STARD13: variants seen among roughly 807,000 people sequenced by gnomAD.
STARD13 encodes the protein stAR-related lipid transfer protein 13.
In STARD13, 62 loss-of-function variants were observed where a neutral mutation model predicts 106.4. That is an observed-to-expected ratio of 0.58 (90% confidence interval 0.48 to 0.72). The LOEUF is 0.72. STARD13 is among the 30% of genes least tolerant of loss of function. The pLI, the probability that STARD13 is intolerant of heterozygous loss-of-function variation, is 0.00. For synonymous variants in STARD13, 565 were observed against 553.0 expected (o/e 1.02, Z -0.31); for missense variants, 1,387 against 1,424.0 (o/e 0.97, Z 0.42).
chr13:33,546,822 G>A, the STARD13 span, among the ~76,000 whole-genome samples: 11 of 151,798 alleles, frequency 7.2e-5, no homozygotes, highest in Admixed American at 7.2e-4. Flanking sequence ...ATCAATTTAA[G>A]CCTAATACAT....
At position 33,111,177 on chromosome 13, in the gene STARD13, T is replaced by G. The variant is rs150375810; in HGVS notation, c.2608-270A>C. Among the ~76,000 whole-genome samples, 601 of 152,380 alleles carry G rather than the reference T, an allele frequency of 3.9e-3. 2 individuals are homozygous for G. Among genetic ancestry groups the G allele is most frequent in the African/African-American group, 0.013 (553 of 41,584 alleles). ...TTTCACTTCCCTTTTATTTTACCTT[T>G]ACTGTCTTTTTATTCAGTTTGGCAA... On this transcript the variant is annotated intron_variant, in intron 10 of 13. Coordinates refer to ENST00000336934, the MANE Select transcript of STARD13 (RefSeq NM_178006.4).
chr13:33,144,058 A>AT (rs1006361454), intron 3 of STARD13, among the ~76,000 whole-genome samples: 1 of 152,062 alleles, frequency 6.6e-6, no homozygotes, highest in Admixed American at 6.6e-5. Flanking sequence ...TTAACTATTA[A>AT]TTTTTTTGTT....
chr13:33,132,459 TTC>T (rs1878452539), intron 4 of STARD13, among the ~76,000 whole-genome samples: 1 of 152,210 alleles, frequency 6.6e-6, no homozygotes, highest in African/African-American at 2.4e-5. Context: ...ACCTTTTGCC[TTC>T]CACCATGATT....
At chr13:33,184,549 G>A (rs1241737118) in intron 1 of STARD13, among the ~76,000 whole-genome samples, 1 of 152,184 alleles carries the variant, frequency 6.6e-6, no homozygotes, top group Non-Finnish European at 1.5e-5. Context: ...GGCTGAGTGT[G>A]GGTTTACTCT....
chr13:33,624,816 C>T, the STARD13 span, among the ~76,000 whole-genome samples: 1 of 152,248 alleles, frequency 6.6e-6, no homozygotes, highest in African/African-American at 2.4e-5. Context: ...GGCCACCCAG[C>T]TGGTCAGGTG....
At chr13:33,515,892 T>G in the STARD13 span, among the ~76,000 whole-genome samples, 1 of 152,040 alleles carries the variant, frequency 6.6e-6, no homozygotes, top group African/African-American at 2.4e-5. Context: ...TCTCCACTAA[T>G]TCTCTGTTGC....
the STARD13 span, among the ~76,000 whole-genome samples, chr13:33,675,608 G>A: frequency 2.1e-3 from 320 of 152,306 alleles, 1 homozygote; most frequent in African/African-American, 7.5e-3. Flanking sequence ...AGATATGGAT[G>A]CAGATTGGTG....
chr13:33,392,608 C>T, the STARD13 span, among the ~76,000 whole-genome samples: 1 of 152,222 alleles, frequency 6.6e-6, no homozygotes, highest in Non-Finnish European at 1.5e-5. Flanking sequence ...CCATGTTGGC[C>T]GGGCTGGTTT....
chr13:33,392,857 C>T, the STARD13 span, among the ~76,000 whole-genome samples: 1 of 152,320 alleles, frequency 6.6e-6, no homozygotes, highest in South Asian at 2.1e-4. Flanking sequence ...GGTCACCTTT[C>T]AACTAACTTC....
chr13:33,561,489 A>G, the STARD13 span, among the ~76,000 whole-genome samples: 125 of 151,352 alleles, frequency 8.3e-4, 2 homozygotes, highest in African/African-American at 3.0e-3. Context: ...CATTTCCTCT[A>G]TTGCATTTCT....
the STARD13 span, among the ~76,000 whole-genome samples, chr13:33,377,108 G>A: frequency 5.9e-4 from 90 of 152,132 alleles, no homozygotes; most frequent in African/African-American, 2.0e-3. Flanking sequence ...TTTTTCTATT[G>A]TTAGTAAAAA....
the STARD13 span, among the ~76,000 whole-genome samples, chr13:33,641,606 T>G: frequency 7.6e-3 from 1,157 of 152,292 alleles, 15 homozygotes; most frequent in African/African-American, 0.027. Flanking sequence ...ATGAAACTAC[T>G]TCTGAGGTCT....
intron 1 of STARD13, among the ~76,000 whole-genome samples, chr13:33,330,444 T>C (rs1398690081): frequency 1.3e-5 from 2 of 152,242 alleles, no homozygotes; most frequent in Non-Finnish European, 2.9e-5. Flanking sequence ...TCCAGTTGTT[T>C]GTATTTTTGG....
At chr13:33,553,536 GAGT>G in the STARD13 span, among the ~76,000 whole-genome samples, 3 of 151,172 alleles carry the variant, frequency 2.0e-5, no homozygotes, top group African/African-American at 7.3e-5. Context: ...ATCATAGTTT[GAGT>G]AGAATTTTTA....
intron 1 of STARD13, among the ~76,000 whole-genome samples, chr13:33,242,046 G>A (rs1438682470): frequency 6.6e-6 from 1 of 151,618 alleles, no homozygotes; most frequent in Non-Finnish European, 1.5e-5. Context: ...GCCCCATCTG[G>A]GATGTAGGGA....
chr13:33,415,299 C>T, the STARD13 span, among the ~76,000 whole-genome samples: 72 of 152,180 alleles, frequency 4.7e-4, no homozygotes, highest in African/African-American at 1.4e-3. Flanking sequence ...ACCCGGGAGG[C>T]GGAGCTTGCA....
rs762684578 is a variant in STARD13, at chr13:33,129,528, A to T, written c.1149T>A (p.Arg383=). ...TALPDAGDQS[R]MHEFHSQENL... is the part of the protein sequence containing the mutation. ...TCTCTTGGGAGTGAAATTCATGCAT[A>T]CGGCTTTGGTCCCCTGCATCCGGCA... Residue 383 remains arginine (R), a synonymous_variant, in exon 5 of 14, where the codon CGT becomes CGA. Coordinates refer to ENST00000336934, the MANE Select transcript of STARD13 (RefSeq NM_178006.4). The T allele has an allele frequency of 7.4e-6, 12 of 1,614,148 alleles. No homozygotes were observed. The highest frequency in any genetic ancestry group is 9.3e-6 in the Non-Finnish European group (11 of 1,180,022).
At chr13:33,444,083 C>T in the STARD13 span, among the ~76,000 whole-genome samples, 1 of 152,062 alleles carries the variant, frequency 6.6e-6, no homozygotes, top group Non-Finnish European at 1.5e-5. Flanking sequence ...GTCACTTATT[C>T]ACTGATGTCA....
intron 13 of STARD13, 83 bp from the exon 14 acceptor site, chr13:33,105,793 TG>T: frequency 8.7e-7 from 1 of 1,144,230 alleles, no homozygotes; most frequent in Non-Finnish European, 1.3e-6. Flanking sequence ...GGGCTGCCCT[TG>T]GGCCCCGATG....
Sources: gnomAD v4.1 joint callset for allele counts (sites outside exome capture counted in the v4.1 genomes callset) on GRCh38, gnomAD v4.1.1 for gene constraint, MANE v1.5 for transcripts, NCBI Gene and HGNC (gene_info 2026-07-23, HGNC 2026-07-21) for gene names.